OTUD6B: variants seen among roughly 807,000 people sequenced by gnomAD.
OTUD6B encodes OTU deubiquitinase 6B, also known as deubiquitinase OTUD6B.
In OTUD6B, 41 loss-of-function variants were observed where a neutral mutation model predicts 36.9. That is an observed-to-expected ratio of 1.11 (90% confidence interval 0.87 to 1.44). The LOEUF is 1.44. Among genes scored for constraint, OTUD6B ranks in the 40% most tolerant of loss-of-function variants. OTUD6B has a pLI of 0.00. For missense variants in OTUD6B, 356 were observed against 344.8 expected, an observed-to-expected ratio of 1.03 and a Z score of -0.26; for synonymous variants, 114 against 114.2, an observed-to-expected ratio of 1.00 and a Z score of 0.01.
chr8:91,073,938 T>C, intron 3 of OTUD6B, 27 bp downstream of exon 3: 1 of 1,471,256 alleles, frequency 6.8e-7, no homozygotes, highest in African/African-American at 1.4e-5. Flanking sequence ...ACCAAGTATA[T>C]AAGTTAGTGC....
chr8:91,081,508 A>G (rs1472866705), intron 5 of OTUD6B, among the ~76,000 whole-genome samples: 2 of 151,630 alleles, frequency 1.3e-5, no homozygotes, highest in South Asian at 2.1e-4. Flanking sequence ...TTGTGGCCAC[A>G]GGGGAGTCAG....
chr8:91,079,794 C>G (rs756529684), intron 4 of OTUD6B, among the ~76,000 whole-genome samples: 15 of 152,084 alleles, frequency 9.9e-5, no homozygotes, highest in Non-Finnish European at 1.9e-4. Context: ...GTTCAGTATG[C>G]TGAGTCAGAG....
intron 4 of OTUD6B, among the ~76,000 whole-genome samples, chr8:91,079,482 C>T (rs9918929): frequency 0.53 from 80,481 of 151,816 alleles, 22,112 homozygotes; most frequent in South Asian, 0.67. Flanking sequence ...CTTTAGTGTG[C>T]ATGGCTTAAG....
At chr8:91,084,216 AT>A (rs1812965068) in intron 6 of OTUD6B, 102 bp downstream of exon 6, 1 of 687,962 alleles carries the variant, frequency 1.5e-6, no homozygotes, top group Admixed American at 3.2e-5. Flanking sequence ...GACTTAGATA[AT>A]TTTTTAAACC....
At chr8:91,070,984 C>T (rs1362827066) in intron 1 of OTUD6B, 154 bp from the exon 2 acceptor site, 3 of 877,912 alleles carry the variant, frequency 3.4e-6, no homozygotes, top group Admixed American at 1.3e-4. Flanking sequence ...TATCTGGGAT[C>T]TTCTCTCTCT....
intron 5 of OTUD6B, among the ~76,000 whole-genome samples, chr8:91,082,369 G>A (rs563676782): frequency 2.0e-4 from 31 of 151,916 alleles, no homozygotes; most frequent in Admixed American, 2.0e-3. Flanking sequence ...CATAGATCGG[G>A]GCATTATGAT....
In OTUD6B at chr8:91,084,864, G is replaced by C. The variant is rs781045009; in HGVS notation, c.878G>C (p.Ser293Thr). 6.7e-7 allele frequency: 1 copy of C among 1,503,562 alleles called. No homozygotes were observed. The highest frequency in any genetic ancestry group is 9.2e-7 in the Non-Finnish European group (1 of 1,092,736). 93.1% of individuals were successfully genotyped at this position (1,503,562 alleles called of 1,614,324 possible). The change falls in exon 7 of 7, where the codon AGC (serine) becomes ACC (threonine). Residue 293 changes from serine to threonine, a missense_variant. Physicochemically the swap from Ser to Thr is moderately conservative, Grantham distance 58. Transcript: ENST00000404789. ...RLVNIVTENCS is the reference protein window; with the variant it reads ...RLVNIVTENCT ...GTAAACATAGTTACTGAAAATTGCA[G>C]CTAATTTATACAATGTTGTACAATT...
At chr8:91,072,641 G>A (rs759912925) in intron 2 of OTUD6B, among the ~76,000 whole-genome samples, 5 of 152,056 alleles carry the variant, frequency 3.3e-5, no homozygotes, top group Admixed American at 6.6e-5. Flanking sequence ...TGCCTTTAAT[G>A]TACTTCATCT....
At chr8:91,082,791 A>G (rs1812932981) in intron 5 of OTUD6B, among the ~76,000 whole-genome samples, 1 of 127,102 alleles carries the variant, frequency 7.9e-6, no homozygotes, top group Non-Finnish European at 1.6e-5. Flanking sequence ...TCACTCTGTC[A>G]CCCCAGTTGG....
intron 3 of OTUD6B, among the ~76,000 whole-genome samples, chr8:91,074,906 A>G (rs978688058): frequency 2.0e-5 from 3 of 152,196 alleles, no homozygotes; most frequent in African/African-American, 7.2e-5. Context: ...AACGGGGGCA[A>G]ATTATAGCTA....
chr8:91,084,048 T>C lies in OTUD6B; in HGVS notation c.731T>C (p.Ile244Thr). 4 of 1,581,718 alleles carry C rather than the reference T, an allele frequency of 2.5e-6. No homozygotes were observed. Among genetic ancestry groups the C allele is most frequent in the Non-Finnish European group, 3.4e-6 (4 of 1,162,270 alleles). The change falls in exon 6 of 7, where the codon ATA (isoleucine) becomes ACA (threonine). Residue 244 changes from isoleucine to threonine, a missense_variant. By Grantham distance (89) the Ile-to-Thr change is moderately conservative. Coordinates refer to ENST00000404789, the MANE Select transcript of OTUD6B (RefSeq NM_016023.5). ...CACATTTTACAAACACCAATAGAGA[T>C]AATACAGGCAGATTCTCCTCCCATT... The part of the protein sequence containing the change: ...LSHILQTPIE[I>T]IQADSPPIIV...
intron 3 of OTUD6B, among the ~76,000 whole-genome samples, chr8:91,074,271 T>A (rs1812760919): frequency 6.6e-6 from 1 of 152,052 alleles, no homozygotes; most frequent in African/African-American, 2.4e-5. Context: ...AAATATATTA[T>A]CCCAGACTTA....
rs1812806139 is a variant in OTUD6B, at chr8:91,076,541, T to G, written c.316-1815T>G. 2.0e-6 allele frequency: 3 copies of G among 1,525,290 alleles called. No homozygotes were observed. The Admixed American group carries it at 5.9e-5, about 30-fold the overall frequency. The allele number at this position is 1,525,290 out of a possible 1,614,324, so 94.5% of individuals were successfully genotyped here. The stretch of plus-strand genomic sequence containing the variant: ...TGCCACTCTTTCAGTAAATAGTACA[T>G]GACATCATTAACTCCAGCTCCCATC... On this transcript the variant is annotated intron_variant, in intron 3 of 6. Coordinates refer to ENST00000404789, the MANE Select transcript of OTUD6B (RefSeq NM_016023.5).
chr8:91,076,504 G>T lies in OTUD6B; in HGVS notation c.316-1852G>T, dbSNP rs1238786124. The T allele has an allele frequency of 2.0e-6, 3 of 1,515,146 alleles. No individual in the cohort carries two copies. The East Asian group carries it at 7.6e-5, about 38-fold the overall frequency. 93.9% of individuals were successfully genotyped at this position (1,515,146 alleles called of 1,614,324 possible). A position where few individuals can be genotyped will look rare whatever the true frequency, so the allele number is the denominator to read the frequency against. The stretch of plus-strand genomic sequence containing the variant: ...TTTTAGAGGCTTAAACAGTTTTGCA[G>T]ATAAGATAAAGTGCCACTCTTTCAG... On this transcript the variant is annotated intron_variant, in intron 3 of 6. Coordinates refer to ENST00000404789, the MANE Select transcript of OTUD6B (RefSeq NM_016023.5).
In OTUD6B at chr8:91,078,742, C is replaced by T. The variant is rs145135550; in HGVS notation, c.628+74C>T. 142 of 1,019,912 alleles carry T rather than the reference C, an allele frequency of 1.4e-4. No homozygotes were observed. The African/African-American group carries it at 2.0e-3, about 14-fold the overall frequency. 63.2% of individuals were successfully genotyped at this position (1,019,912 alleles called of 1,614,324 possible). A position where few individuals can be genotyped will look rare whatever the true frequency, so the allele number is the denominator to read the frequency against. On this transcript the variant is annotated intron_variant, in intron 4 of 6. Transcript: ENST00000404789. ...TTTTTAAATAAGGTGCTTCCCAGCACTGAGCGTAAGAAGAACCCAGATGAT... is the reference window on the plus strand; with the variant it reads ...TTTTTAAATAAGGTGCTTCCCAGCATTGAGCGTAAGAAGAACCCAGATGAT...
intron 5 of OTUD6B, among the ~76,000 whole-genome samples, chr8:91,082,085 A>G (rs1464647754): frequency 6.6e-6 from 1 of 152,134 alleles, no homozygotes; most frequent in Non-Finnish European, 1.5e-5. Flanking sequence ...TAAGTTATTA[A>G]AGAAAATCAT....
Position 91,084,782 on chromosome 8 carries a change from A to G in OTUD6B, c.798-2A>G. 1 of 1,523,504 alleles carries G rather than the reference A, an allele frequency of 6.6e-7. No individual in the cohort carries two copies. Among genetic ancestry groups the G allele is most frequent in the Non-Finnish European group, 8.8e-7 (1 of 1,131,646 alleles). 94.4% of individuals were successfully genotyped at this position (1,523,504 alleles called of 1,614,324 possible). ...CTCATTTCTTTTTTTTTTTAATTTC[A>G]GATATATGAGACATGCATATGGCTT... is the stretch of plus-strand genomic sequence containing the variant. On this transcript the variant is annotated splice_acceptor_variant, in intron 6 of 6. Coordinates refer to ENST00000404789, the MANE Select transcript of OTUD6B (RefSeq NM_016023.5). LOFTEE classifies it high-confidence loss of function.
chr8:91,074,224 G>A (rs1023102221), intron 3 of OTUD6B, among the ~76,000 whole-genome samples: 2 of 152,132 alleles, frequency 1.3e-5, no homozygotes, highest in African/African-American at 4.8e-5. Flanking sequence ...ATAGGAGAGC[G>A]AAGCTGGGAG....
chr8:91,079,754 C>G (rs760635544), intron 4 of OTUD6B, among the ~76,000 whole-genome samples: 1 of 152,024 alleles, frequency 6.6e-6, no homozygotes, highest in Non-Finnish European at 1.5e-5. Flanking sequence ...TCCCCAATTG[C>G]GCTAGTTGTA....
Sources: allele counts gnomAD v4.1 joint callset (sites outside exome capture counted in the v4.1 genomes callset), GRCh38; gene constraint gnomAD v4.1.1; transcripts MANE v1.5; gene names NCBI Gene and HGNC (gene_info 2026-07-23, HGNC 2026-07-21).